Variants in GLIS3 observed in about 807,000 individuals in gnomAD.
GLIS3 encodes the protein zinc finger protein GLIS3.
A neutral mutation model predicts 78.6 loss-of-function variants in GLIS3; 53 were observed. The ratio of observed to expected loss-of-function variants is 0.67; its 90% CI spans 0.54 to 0.85. The LOEUF (loss-of-function observed/expected upper bound fraction) is 0.85. GLIS3 is among the 40% of genes least tolerant of loss of function. GLIS3 has a pLI of 0.00. For synonymous variants in GLIS3, 684 were observed against 509.9 expected (o/e 1.34, Z -4.60); for missense variants, 1,703 against 1,231.1 (o/e 1.38, Z -5.74).
chr9:4,086,015 A>G (rs1180235174), intron 4 of GLIS3, among the ~76,000 whole-genome samples: 1 of 152,226 alleles, frequency 6.6e-6, no homozygotes, highest in Non-Finnish European at 1.5e-5. Context: ...CAGCTATGTT[A>G]AAGTGCCTAC....
chr9:4,053,269 G>C (rs78476149), intron 4 of GLIS3, among the ~76,000 whole-genome samples: 74 of 152,172 alleles, frequency 4.9e-4, no homozygotes, highest in African/African-American at 1.7e-3. Context: ...TTTTATAACC[G>C]GTATTAACTA....
chr9:4,362,024 G>C, the GLIS3 span, among the ~76,000 whole-genome samples: 1 of 152,144 alleles, frequency 6.6e-6, no homozygotes, highest in Non-Finnish European at 1.5e-5. Flanking sequence ...CCCTAGATTA[G>C]CAAAAAATAA....
chr9:4,339,104 T>A (rs541183024), intron 2 of GLIS3, among the ~76,000 whole-genome samples: 6 of 152,196 alleles, frequency 3.9e-5, no homozygotes, highest in African/African-American at 1.4e-4. Flanking sequence ...TACCTCGATA[T>A]GTTTGGGAGG....
intron 2 of GLIS3, among the ~76,000 whole-genome samples, chr9:4,161,092 AAAAG>A (rs1288084643): frequency 1.1e-4 from 16 of 150,646 alleles, no homozygotes; most frequent in African/African-American, 3.6e-4. Flanking sequence ...AAAAAAAAAA[AAAAG>A]AAAGAAAGAA....
chr9:3,856,894 G>GT (rs1325464288), intron 8 of GLIS3, among the ~76,000 whole-genome samples: 3 of 152,142 alleles, frequency 2.0e-5, no homozygotes, highest in Non-Finnish European at 4.4e-5. Context: ...ACATGTTGAT[G>GT]TTTAAATAAG....
chr9:4,117,982 T>C lies in GLIS3; in HGVS notation c.1496A>G (p.Lys499Arg), dbSNP rs747953759. Residue 499 changes from lysine to arginine, a missense_variant, in exon 4 of 11, where the codon AAG becomes AGG. By Grantham distance (26) the Lys-to-Arg change is conservative (BLOSUM62 2). Coordinates refer to ENST00000381971, the MANE Select transcript of GLIS3 (RefSeq NM_001042413.2). ...GCAGTCGATCCAGCGGCAGCAATGCTTGCCCCCGATGCCGTCCATCTCCCC... is the reference window on the plus strand; with the variant it reads ...GCAGTCGATCCAGCGGCAGCAATGCCTGCCCCCGATGCCGTCCATCTCCCC... ...DDGEMDGIGGKHCCRWIDCSA... is the reference protein window; with the variant it reads ...DDGEMDGIGGRHCCRWIDCSA... The C allele has an allele frequency of 5.0e-6, 8 of 1,612,744 alleles. No individual in the cohort carries two copies. In the East Asian group the frequency reaches 1.6e-4, roughly 31 times the overall value.
intron 2 of GLIS3, among the ~76,000 whole-genome samples, chr9:4,278,605 TAGA>T (rs1211460849): frequency 6.6e-6 from 1 of 152,204 alleles, no homozygotes; most frequent in Non-Finnish European, 1.5e-5. Context: ...CTCCTCTCTC[TAGA>T]AGAATACCAG....
chr9:3,904,135 G>C (rs1823505192), intron 6 of GLIS3, among the ~76,000 whole-genome samples: 1 of 152,258 alleles, frequency 6.6e-6, no homozygotes, highest in Admixed American at 6.5e-5. Flanking sequence ...GTTAGTTTTA[G>C]GTGTTAACGT....
chr9:4,396,992 C>G, the GLIS3 span, among the ~76,000 whole-genome samples: 2 of 149,918 alleles, frequency 1.3e-5, no homozygotes, highest in South Asian at 4.3e-4. Context: ...TTGTCTTGCC[C>G]TGTGGTTTTG....
intron 2 of GLIS3, among the ~76,000 whole-genome samples, chr9:4,235,051 C>T (rs1272930995): frequency 6.6e-6 from 1 of 152,136 alleles, no homozygotes; most frequent in African/African-American, 2.4e-5. Context: ...GTAATCCCCA[C>T]ACTTTGGGAG....
chr9:4,372,416 G>C, the GLIS3 span, among the ~76,000 whole-genome samples: 2 of 151,968 alleles, frequency 1.3e-5, no homozygotes, highest in African/African-American at 4.8e-5. Context: ...AATTCCTAGA[G>C]ATAGCAAACA....
chr9:3,896,154 C>A (rs1042576588), intron 7 of GLIS3, among the ~76,000 whole-genome samples: 1 of 152,146 alleles, frequency 6.6e-6, no homozygotes, highest in Non-Finnish European at 1.5e-5. Context: ...TTCCATAGAT[C>A]TAGGGCGAAG....
At chr9:4,457,091 G>A in the GLIS3 span, among the ~76,000 whole-genome samples, 111,296 of 151,998 alleles carry the variant, frequency 0.73, 41,213 homozygotes, top group Middle Eastern at 0.86. Context: ...AACTGGGTAC[G>A]ATGGCTCAAA....
intron 4 of GLIS3, among the ~76,000 whole-genome samples, chr9:4,054,066 T>C (rs1825942564): frequency 6.6e-6 from 1 of 152,206 alleles, no homozygotes; most frequent in Non-Finnish European, 1.5e-5. Flanking sequence ...AAAAAATGTA[T>C]GAGTTAAGCA....
chr9:4,266,595 TACACACACACACACACACACACAC>T (rs57746056), intron 2 of GLIS3, among the ~76,000 whole-genome samples: 1 of 149,294 alleles, frequency 6.7e-6, no homozygotes, highest in South Asian at 2.2e-4. Flanking sequence ...CATGCGCGTG[TACACACACACACACACACACACAC>T]ACACACACAC....
chr9:4,207,338 A>C (rs1254125760), intron 2 of GLIS3, among the ~76,000 whole-genome samples: 2 of 152,246 alleles, frequency 1.3e-5, no homozygotes, highest in African/African-American at 4.8e-5. Context: ...GAGCACTCTT[A>C]ACTTAGGAAT....
chr9:4,484,594 T>TA, the GLIS3 span, among the ~76,000 whole-genome samples: 1 of 151,600 alleles, frequency 6.6e-6, no homozygotes, highest in Non-Finnish European at 1.5e-5. Flanking sequence ...ATTTTTGTAT[T>TA]TTTAGTAGGG....
At chr9:3,923,301 C>T (rs907870616) in intron 6 of GLIS3, among the ~76,000 whole-genome samples, 1 of 152,194 alleles carries the variant, frequency 6.6e-6, no homozygotes. Context: ...GTTCCTTTGT[C>T]GACCTTTTTA....
intron 4 of GLIS3, among the ~76,000 whole-genome samples, chr9:4,078,393 T>C (rs1272060821): frequency 1.4e-5 from 2 of 138,404 alleles, no homozygotes; most frequent in African/African-American, 2.7e-5. Flanking sequence ...CAGGGGTTTG[T>C]CTGACAATTT....
Sources: gnomAD v4.1 joint callset for allele counts (sites outside exome capture counted in the v4.1 genomes callset) on GRCh38, gnomAD v4.1.1 for gene constraint, MANE v1.5 for transcripts, NCBI Gene and HGNC (gene_info 2026-07-23, HGNC 2026-07-21) for gene names.